TET1: variants seen among roughly 807,000 people sequenced by gnomAD.
The protein encoded by TET1 is methylcytosine dioxygenase TET1.
A neutral mutation model predicts 148.7 loss-of-function variants in TET1; 13 were observed. The observed-to-expected ratio is 0.09, with a 90% confidence interval of 0.06 to 0.14. The LOEUF is 0.14. Ranked by LOEUF, TET1 falls within the 10% of genes least tolerant of loss-of-function variation. TET1 has a pLI of 1.00. For missense variants in TET1, 2,182 were observed against 2,553.8 expected, an observed-to-expected ratio of 0.85 and a Z score of 3.14; for synonymous variants, 907 against 937.2, an observed-to-expected ratio of 0.97 and a Z score of 0.59.
intron 3 of TET1, among the ~76,000 whole-genome samples, chr10:68,614,452 A>G (rs2054260417): frequency 1.3e-5 from 2 of 152,218 alleles, no homozygotes; most frequent in South Asian, 4.1e-4. Flanking sequence ...AACTCAGTCA[A>G]ATTCACTGCC....
At chr10:68,633,568 CA>C (rs946097633) in intron 3 of TET1, among the ~76,000 whole-genome samples, 2 of 151,800 alleles carry the variant, frequency 1.3e-5, no homozygotes, top group African/African-American at 4.8e-5. Flanking sequence ...TAGGTTAGTG[CA>C]AAAGTAACTG....
At position 68,601,684 on chromosome 10, in the gene TET1, G is replaced by A. The variant is rs2054057578; in HGVS notation, c.1968+650G>A. ...TGTGATGAGATTTGTACAGTGTTTA[G>A]AAGGGTTAATTTAAAAGCATATGGC... On this transcript the variant is annotated intron_variant, in intron 3 of 11. Transcript: ENST00000373644. 2.0e-5 allele frequency among the ~76,000 whole-genome samples: 3 copies of A among 152,168 alleles called. No homozygotes were observed. The South Asian group carries it at 6.2e-4, about 31-fold the overall frequency.
chr10:68,609,007 T>C (rs887738842), intron 3 of TET1, among the ~76,000 whole-genome samples: 1 of 151,722 alleles, frequency 6.6e-6, no homozygotes, highest in Non-Finnish European at 1.5e-5. Flanking sequence ...TTTGTTTGTT[T>C]GTTTATATGT....
rs71470531 is a variant in TET1 at position 68,596,027 on chromosome 10, C to CACACACATATAT, written c.1915-4953_1915-4952insCACACATATATA. ...ACACACACACACACACACACACACACATATATATATATATATACACATTTT... is the reference window on the plus strand; with the variant it reads ...ACACACACACACACACACACACACACACACACATATATATATATATATATATATACACATTTT... On this transcript the variant is annotated intron_variant, in intron 2 of 11. Coordinates refer to ENST00000373644, the MANE Select transcript of TET1 (RefSeq NM_030625.3). 1.0e-3 allele frequency among the ~76,000 whole-genome samples: 64 copies of CACACACATATAT among 61,732 alleles called. 1 individual carries two copies. The highest frequency in any genetic ancestry group is 1.1e-3 in the Non-Finnish European group (39 of 34,744). 40.5% of individuals were successfully genotyped at this position (61,732 alleles called of 152,430 possible).
intron 2 of TET1, among the ~76,000 whole-genome samples, chr10:68,584,393 G>T (rs1193799906): frequency 4.6e-5 from 7 of 151,000 alleles, no homozygotes; most frequent in South Asian, 2.1e-4. Context: ...TTTTTCATAT[G>T]ACAATGTCTG....
chr10:68,669,474 C>CATTTT (rs71474425), intron 7 of TET1, among the ~76,000 whole-genome samples: 2 of 61,620 alleles, frequency 3.2e-5, no homozygotes, highest in Non-Finnish European at 5.8e-5. Context: ...CCATGCCCAG[C>CATTTT]TTTTTTTTTT....
At chr10:68,658,155 T>G (rs965535838) in intron 6 of TET1, among the ~76,000 whole-genome samples, 1 of 152,226 alleles carries the variant, frequency 6.6e-6, no homozygotes, top group Non-Finnish European at 1.5e-5. Context: ...ATGCTTAGGT[T>G]TGTTAATAGT....
chr10:68,648,288 C>T (rs1398621608), intron 4 of TET1, among the ~76,000 whole-genome samples: 1 of 152,150 alleles, frequency 6.6e-6, no homozygotes, highest in African/African-American at 2.4e-5. Flanking sequence ...CATGTGAAAG[C>T]TTAATTTGAA....
intron 2 of TET1, among the ~76,000 whole-genome samples, chr10:68,599,128 C>T (rs2054022413): frequency 6.6e-6 from 1 of 152,234 alleles, no homozygotes; most frequent in African/African-American, 2.4e-5. Flanking sequence ...AACTGAAAGG[C>T]TAGGGATTAA....
chr10:68,669,575 T>C lies in TET1; in HGVS notation c.4673+2319T>C, dbSNP rs559441578. On this transcript the variant is annotated intron_variant, in intron 7 of 11. Transcript: ENST00000373644. Reference sequence around the variant, plus strand: ...TTCACCATGTTAGCCAGGATGGTCTTGATCTCCTGACCTCGTGATTCGCCC... The same window carrying C: ...TTCACCATGTTAGCCAGGATGGTCTCGATCTCCTGACCTCGTGATTCGCCC... 2.0e-3 allele frequency among the ~76,000 whole-genome samples: 299 copies of C among 150,366 alleles called. 1 individual carries two copies. The Middle Eastern group carries it at 0.037, about 19-fold the overall frequency.
intron 8 of TET1, chr10:68,675,011 T>C: frequency 2.4e-6 from 1 of 409,350 alleles, no homozygotes; most frequent in Non-Finnish European, 4.5e-6. Context: ...AGCTTTATGG[T>C]GAAGGTAGCA....
intron 2 of TET1, among the ~76,000 whole-genome samples, chr10:68,588,771 A>G (rs886641825): frequency 6.6e-6 from 1 of 151,658 alleles, no homozygotes; most frequent in Non-Finnish European, 1.5e-5. Flanking sequence ...ACTGTGTTTA[A>G]CTCTTTCCAT....
intron 3 of TET1, among the ~76,000 whole-genome samples, chr10:68,612,753 G>T (rs1242531509): frequency 6.6e-6 from 1 of 151,900 alleles, no homozygotes; most frequent in African/African-American, 2.4e-5. Context: ...AAGTAGCTGG[G>T]ACTACAGGTA....
Position 68,627,746 on chromosome 10 carries a change from T to C in TET1, c.1969-16952T>C, listed in dbSNP as rs538425671. Among the ~76,000 whole-genome samples the C allele has an allele frequency of 3.0e-3, 441 of 149,088 alleles. 2 individuals are homozygous for C. Among genetic ancestry groups the C allele is most frequent in the African/African-American group, 0.01 (419 of 40,756 alleles). ...TTCAAGACCAGCCTGGCCATCATGG[T>C]GAAACCCCGTCTCTACCAAAAAAAT... On this transcript the variant is annotated intron_variant, in intron 3 of 11. Coordinates refer to ENST00000373644, the MANE Select transcript of TET1 (RefSeq NM_030625.3).
At chr10:68,657,711 A>G (rs2055046100) in intron 6 of TET1, among the ~76,000 whole-genome samples, 1 of 152,170 alleles carries the variant, frequency 6.6e-6, no homozygotes, top group African/African-American at 2.4e-5. Context: ...ATTATTAGCT[A>G]TATTCTGAGG....
chr10:68,613,665 A>C (rs1304148522), intron 3 of TET1, among the ~76,000 whole-genome samples: 5 of 152,170 alleles, frequency 3.3e-5, no homozygotes, highest in African/African-American at 9.6e-5. Context: ...GGCCGGACAC[A>C]GTGGCTCAGC....
chr10:68,620,430 G>A (rs116591735), intron 3 of TET1, among the ~76,000 whole-genome samples: 1,537 of 152,266 alleles, frequency 0.01, 35 homozygotes, highest in African/African-American at 0.035. Context: ...GTGATACTTA[G>A]TGACTGACTT....
At chr10:68,586,630 G>T (rs1008814347) in intron 2 of TET1, among the ~76,000 whole-genome samples, 2 of 149,586 alleles carry the variant, frequency 1.3e-5, no homozygotes, top group Non-Finnish European at 3.0e-5. Context: ...ACTGTGCCCA[G>T]CCTCACATCA....
intron 3 of TET1, among the ~76,000 whole-genome samples, chr10:68,638,765 T>TTGTGTGTGTGTGTGTG (rs59106736): frequency 1.4e-5 from 2 of 140,824 alleles, no homozygotes; most frequent in Admixed American, 7.3e-5. Flanking sequence ...TGTATGGAGT[T>TTGTGTGTGTGTGTGTG]TGTGTGTGTG....
Sources: allele counts gnomAD v4.1 joint callset (sites outside exome capture counted in the v4.1 genomes callset), GRCh38; gene constraint gnomAD v4.1.1; transcripts MANE v1.5; gene names NCBI Gene and HGNC (gene_info 2026-07-23, HGNC 2026-07-21).